Variants in TRPM1 observed in about 807,000 individuals in gnomAD.
TRPM1 encodes the protein transient receptor potential cation channel subfamily M member 1.
In TRPM1, 113 loss-of-function variants were observed where a neutral mutation model predicts 149.4. That is an observed-to-expected ratio of 0.76 (90% confidence interval 0.65 to 0.88). The LOEUF (loss-of-function observed/expected upper bound fraction) is 0.88, where lower values mean the gene tolerates loss of function less well. Ranked by LOEUF, TRPM1 falls within the 40% of genes least tolerant of loss-of-function variation. TRPM1 has a pLI of 0.00. For missense variants in TRPM1, 1,976 were observed against 2,038.7 expected (o/e 0.97, Z 0.59); for synonymous variants, 741 against 759.5 (o/e 0.98, Z 0.40).
intron 1 of TRPM1, among the ~76,000 whole-genome samples, chr15:31,157,966 T>C (rs2036398815): frequency 6.6e-6 from 1 of 152,132 alleles, no homozygotes; most frequent in Admixed American, 6.6e-5. Context: ...GAACCGACAC[T>C]GAGCTGCTGC....
At chr15:31,131,410 C>T (rs553833712) in intron 1 of TRPM1, among the ~76,000 whole-genome samples, 4 of 152,110 alleles carry the variant, frequency 2.6e-5, no homozygotes, top group Non-Finnish European at 5.9e-5. Context: ...ACAGTAAGAA[C>T]GAATCTTCTA....
At chr15:31,088,569 C>T (rs771273363) in intron 1 of TRPM1, among the ~76,000 whole-genome samples, 1 of 152,204 alleles carries the variant, frequency 6.6e-6, no homozygotes, top group Non-Finnish European at 1.5e-5. Flanking sequence ...TGCGGCTTCA[C>T]TGCTGAAGTG....
At chr15:31,029,502 A>C in intron 23 of TRPM1, 111 bp from the exon 24 acceptor site, 1 of 1,066,072 alleles carries the variant, frequency 9.4e-7, no homozygotes. Context: ...GTTTAACAAC[A>C]TAACTGTTTT....
intron 3 of TRPM1, 71 bp downstream of exon 3, chr15:31,076,834 C>A: frequency 7.9e-7 from 1 of 1,267,728 alleles, no homozygotes; most frequent in Non-Finnish European, 1.2e-6. Flanking sequence ...CTTTCTGCCT[C>A]TTACAAACAT....
chr15:31,116,771 G>A (rs1396702876), intron 1 of TRPM1, among the ~76,000 whole-genome samples: 2 of 142,730 alleles, frequency 1.4e-5, no homozygotes, highest in East Asian at 3.9e-4. Context: ...CAGAGAGAGA[G>A]AAAAAAAAGA....
chr15:31,106,267 T>C (rs1176303757), upstream of TRPM1, among the ~76,000 whole-genome samples: 1 of 151,864 alleles, frequency 6.6e-6, no homozygotes, highest in Non-Finnish European at 1.5e-5. Flanking sequence ...GCCTTGCAAA[T>C]AGCTGGGACT....
chr15:31,065,974 G>A lies in TRPM1; in HGVS notation c.790+102C>T. 5 of 1,413,276 alleles carry A rather than the reference G, an allele frequency of 3.5e-6. No homozygotes were observed. In the East Asian group the frequency reaches 1.1e-4, roughly 32 times the overall value. 87.5% of individuals were successfully genotyped at this position (1,413,276 alleles called of 1,614,324 possible). A position where few individuals can be genotyped will look rare whatever the true frequency, so the allele number is the denominator to read the frequency against. Reference sequence around the variant, plus strand: ...TTCTGTTGACCTAACAAGAAGCAAGGTTAATCTTCTAATCCCCTTGGGCAA... The same window carrying A: ...TTCTGTTGACCTAACAAGAAGCAAGATTAATCTTCTAATCCCCTTGGGCAA... On this transcript the variant is annotated intron_variant, in intron 7 of 27. Coordinates refer to ENST00000256552, the MANE Select transcript of TRPM1 (RefSeq NM_001252024.2).
At chr15:31,056,194 T>G (rs1473782239) in intron 11 of TRPM1, among the ~76,000 whole-genome samples, 2 of 152,156 alleles carry the variant, frequency 1.3e-5, no homozygotes, top group Admixed American at 6.5e-5. Flanking sequence ...GGACCAGCAG[T>G]TGCTTGACTA....
intron 1 of TRPM1, among the ~76,000 whole-genome samples, chr15:31,118,479 A>G (rs774697557): frequency 6.6e-5 from 10 of 152,100 alleles, no homozygotes; most frequent in Non-Finnish European, 1.0e-4. Flanking sequence ...TGTTCAAACT[A>G]TAGAAAACCA....
chr15:31,041,801 A>G, intron 17 of TRPM1, 150 bp downstream of exon 17: 1 of 867,696 alleles, frequency 1.2e-6, no homozygotes, highest in Middle Eastern at 3.1e-4. Context: ...ACAGAAAGAA[A>G]AATGCTGACA....
chr15:31,135,653 G>T (rs1463098842), intron 1 of TRPM1, among the ~76,000 whole-genome samples: 1 of 152,054 alleles, frequency 6.6e-6, no homozygotes, highest in South Asian at 2.1e-4. Flanking sequence ...CATGGGGGCA[G>T]GTCCCTCAGG....
At chr15:31,044,044 C>T (rs1215917321) in intron 16 of TRPM1, among the ~76,000 whole-genome samples, 2 of 152,056 alleles carry the variant, frequency 1.3e-5, no homozygotes, top group Non-Finnish European at 2.9e-5. Context: ...TATTTCTATA[C>T]AAGGAATAAA....
intron 21 of TRPM1, 49 bp from the exon 22 acceptor site, chr15:31,032,989 T>G (rs1453254725): frequency 6.2e-7 from 1 of 1,611,646 alleles, no homozygotes; most frequent in Admixed American, 1.7e-5. Flanking sequence ...GTATTAGAAG[T>G]CTTGTCTTAG....
intron 1 of TRPM1, among the ~76,000 whole-genome samples, chr15:31,123,196 A>G (rs1420406416): frequency 2.6e-5 from 4 of 152,252 alleles, no homozygotes; most frequent in Admixed American, 6.5e-5. Context: ...AAAGTGGCTC[A>G]CAGGCCTAAA....
intron 1 of TRPM1, among the ~76,000 whole-genome samples, chr15:31,146,755 G>A (rs1302413223): frequency 6.6e-6 from 1 of 152,194 alleles, no homozygotes; most frequent in African/African-American, 2.4e-5. Flanking sequence ...GGGAGGCAGA[G>A]GCAGGCTAAT....
intron 1 of TRPM1, among the ~76,000 whole-genome samples, chr15:31,159,160 C>T (rs2036414302): frequency 6.6e-6 from 1 of 152,068 alleles, no homozygotes; most frequent in African/African-American, 2.4e-5. Flanking sequence ...AATGGCTGTG[C>T]GTGTGCGGGT....
Position 31,040,138 on chromosome 15 carries a change from G to A in TRPM1, c.2296C>T (p.Arg766Trp), listed in dbSNP as rs746696499. The A allele has an allele frequency of 3.7e-5, 60 of 1,614,046 alleles. No individual in the cohort carries two copies. Among genetic ancestry groups the A allele is most frequent in the East Asian group, 1.1e-4 (5 of 44,902 alleles). Residue 766 changes from arginine to tryptophan, a missense_variant, in exon 18 of 28, where the codon CGG becomes TGG. By Grantham distance (101) the Arg-to-Trp change is moderately radical. Coordinates refer to ENST00000256552, the MANE Select transcript of TRPM1 (RefSeq NM_001252024.2). This position sits in a 1 kb window ranked among gnomAD's most constrained non-coding sequence, Gnocchi z 4.2. ...CGCACCTTCAGGCCGGGGTTCTTCC[G>A]CATCCGCAGTCTTCCCATCCACATA... ...TDMWMGRLRMRKNPGLKVIMG... is the reference protein window; with the variant it reads ...TDMWMGRLRMWKNPGLKVIMG...
At chr15:31,046,939 G>A (rs1316442822) in intron 15 of TRPM1, among the ~76,000 whole-genome samples, 172 bp downstream of exon 15, 1 of 152,240 alleles carries the variant, frequency 6.6e-6, no homozygotes, top group East Asian at 1.9e-4. Context: ...CCGTGCTCAG[G>A]GGAGCTGGAG....
chr15:31,026,001 C>T (rs938351790), intron 27 of TRPM1, 138 bp downstream of exon 27: 1 of 1,274,102 alleles, frequency 7.8e-7, no homozygotes, highest in Non-Finnish European at 1.1e-6. Flanking sequence ...GTGGGAACCA[C>T]GTTAAAACCT....
Sources: allele counts gnomAD v4.1 joint callset (sites outside exome capture counted in the v4.1 genomes callset), GRCh38; gene constraint gnomAD v4.1.1; non-coding constraint Gnocchi (gnomAD v3.1); transcripts MANE v1.5; gene names NCBI Gene and HGNC (gene_info 2026-07-23, HGNC 2026-07-21).